The following ZZEF1 variants were observed in gnomAD, a reference collection of about 807,000 sequenced individuals.
ZZEF1 encodes zinc finger ZZ-type and EF-hand domain-containing protein 1.
A neutral mutation model predicts 342.8 loss-of-function variants in ZZEF1; 157 were observed. The observed-to-expected ratio is 0.46, with a 90% CI of 0.40 to 0.52. The LOEUF (loss-of-function observed/expected upper bound fraction) is 0.52, where lower values mean the gene tolerates loss of function less well. ZZEF1 is among the 20% of genes least tolerant of loss of function. The pLI is 0.00. For synonymous variants in ZZEF1, 1,505 were observed against 1,429.1 expected (o/e 1.05, Z -1.20); for missense variants, 3,480 against 3,725.6 (o/e 0.93, Z 1.72).
chr17:4,038,695 C>T (rs1055240421), intron 39 of ZZEF1, among the ~76,000 whole-genome samples: 2 of 152,094 alleles, frequency 1.3e-5, no homozygotes, highest in Non-Finnish European at 2.9e-5. Flanking sequence ...GTCCCAGCTA[C>T]TTGGGAGGCT....
chr17:4,089,076 C>A (rs546385300), intron 12 of ZZEF1, among the ~76,000 whole-genome samples, 183 bp from the exon 13 acceptor site: 2 of 152,060 alleles, frequency 1.3e-5, no homozygotes, highest in Non-Finnish European at 2.9e-5. Context: ...AAAAAAAAGA[C>A]AATACAAATG....
intron 19 of ZZEF1, 122 bp downstream of exon 19, chr17:4,077,761 G>T: frequency 9.3e-7 from 1 of 1,069,566 alleles, no homozygotes; most frequent in Non-Finnish European, 1.3e-6. Flanking sequence ...ACCAGTCCAA[G>T]AATCTGAATC....
intron 42 of ZZEF1, among the ~76,000 whole-genome samples, chr17:4,029,350 A>G (rs1473742347): frequency 6.6e-6 from 1 of 152,072 alleles, no homozygotes. Context: ...GAAACTAAAC[A>G]TCAAACTTTT....
At chr17:4,124,168 A>G (rs1477557859) in intron 1 of ZZEF1, 117 bp from the exon 2 acceptor site, 1 of 1,293,924 alleles carries the variant, frequency 7.7e-7, no homozygotes, top group East Asian at 2.5e-5. Context: ...GGTTGCAGAG[A>G]GAAGAGTCCA....
intron 9 of ZZEF1, among the ~76,000 whole-genome samples, chr17:4,098,148 G>A (rs1253252042): frequency 6.6e-6 from 1 of 150,642 alleles, no homozygotes; most frequent in Admixed American, 6.7e-5. Context: ...TGAGACAGGA[G>A]AATCGCTTGA....
chr17:4,079,961 A>C (rs902062052), intron 18 of ZZEF1, among the ~76,000 whole-genome samples: 3 of 152,222 alleles, frequency 2.0e-5, no homozygotes, highest in Non-Finnish European at 4.4e-5. Flanking sequence ...TGTGGTTTGG[A>C]CTAGTCTACC....
chr17:4,110,745 C>G (rs1480133470), intron 5 of ZZEF1, among the ~76,000 whole-genome samples: 3 of 127,654 alleles, frequency 2.4e-5, no homozygotes, highest in African/African-American at 6.0e-5. Context: ...GAGTCTTGCT[C>G]TGTTCACCCA....
chr17:4,051,605 G>C (rs2057046956), intron 35 of ZZEF1, among the ~76,000 whole-genome samples: 2 of 151,902 alleles, frequency 1.3e-5, no homozygotes, highest in East Asian at 1.9e-4. Context: ...ATTTTTAGTA[G>C]AGACGGGGTT....
chr17:4,114,548 A>AAT, intron 3 of ZZEF1, 78 bp from the exon 4 acceptor site: 1 of 1,210,170 alleles, frequency 8.3e-7, no homozygotes. Context: ...AATATCTAAC[A>AAT]GAAATACGCT....
intron 1 of ZZEF1, among the ~76,000 whole-genome samples, chr17:4,138,108 G>A (rs1355421769): frequency 6.6e-6 from 1 of 152,238 alleles, no homozygotes; most frequent in African/African-American, 2.4e-5. Context: ...AGGCTGATGT[G>A]TGGGCTTCAA....
chr17:4,015,584 G>A (rs1273875211), intron 49 of ZZEF1, among the ~76,000 whole-genome samples: 2 of 152,230 alleles, frequency 1.3e-5, no homozygotes, highest in Admixed American at 1.3e-4. Flanking sequence ...GGCCAATATG[G>A]TGAAACCCCG....
In ZZEF1 at chr17:4,095,884, A is replaced by G; in HGVS notation, c.1860T>C (p.Phe620=). ...KFCAEEHFKR[F]EKYDKWKLQE... is the part of the protein sequence containing the mutation. ...GAAGCTTCCATTTGTCATATTTTTCAAACCTTTTGAAGTGTTCTTCCGCAC... is the reference window on the plus strand; with the variant it reads ...GAAGCTTCCATTTGTCATATTTTTCGAACCTTTTGAAGTGTTCTTCCGCAC... The change falls in exon 11 of 55, where the codon TTT becomes TTC. Residue 620 remains phenylalanine (F), a synonymous_variant. Transcript: ENST00000381638. The G allele has an allele frequency of 6.2e-7, 1 of 1,613,570 alleles. No individual in the cohort carries two copies. Among genetic ancestry groups the G allele is most frequent in the East Asian group, 2.2e-5 (1 of 44,868 alleles).
intron 6 of ZZEF1, among the ~76,000 whole-genome samples, chr17:4,107,184 G>T (rs4790559): frequency 0.51 from 77,241 of 152,040 alleles, 22,019 homozygotes; most frequent in East Asian, 0.74. Context: ...TTTTAAAATA[G>T]ATTTAGATCA....
chr17:4,071,586 A>C (rs185005805), intron 25 of ZZEF1: 4 of 152,770 alleles, frequency 2.6e-5, no homozygotes, highest in African/African-American at 9.6e-5. Flanking sequence ...AGACAGAGGA[A>C]AGGACAGAGA....
chr17:4,118,758 G>C (rs140606481), intron 2 of ZZEF1, among the ~76,000 whole-genome samples: 52 of 152,312 alleles, frequency 3.4e-4, no homozygotes, highest in Admixed American at 2.3e-3. Flanking sequence ...ATCTTAGAAA[G>C]AATATCTTCA....
At chr17:4,034,993 C>T (rs1208984095) in intron 39 of ZZEF1, among the ~76,000 whole-genome samples, 1 of 151,654 alleles carries the variant, frequency 6.6e-6, no homozygotes, top group Non-Finnish European at 1.5e-5. Flanking sequence ...AGTGAGACTC[C>T]GTCTCAAAAA....
intron 1 of ZZEF1, among the ~76,000 whole-genome samples, chr17:4,128,203 C>T (rs556548420): frequency 6.6e-6 from 1 of 151,794 alleles, no homozygotes; most frequent in Non-Finnish European, 1.5e-5. Flanking sequence ...AAAAAATTAG[C>T]TGGGTGTGGT....
intron 44 of ZZEF1, among the ~76,000 whole-genome samples, chr17:4,021,894 C>T (rs757877795): frequency 2.7e-5 from 4 of 150,932 alleles, no homozygotes; most frequent in Non-Finnish European, 4.4e-5. Flanking sequence ...ATACACAAAA[C>T]GCTAATGGCA....
chr17:4,126,196 C>G (rs1157436418), intron 1 of ZZEF1, among the ~76,000 whole-genome samples: 4 of 141,316 alleles, frequency 2.8e-5, no homozygotes, highest in Non-Finnish European at 6.0e-5. Flanking sequence ...TGCACTCCAG[C>G]CTGGGTGACA....
Sources: allele counts gnomAD v4.1 joint callset (sites outside exome capture counted in the v4.1 genomes callset), GRCh38; gene constraint gnomAD v4.1.1; transcripts MANE v1.5; gene names NCBI Gene and HGNC (gene_info 2026-07-23, HGNC 2026-07-21).